Variants in TTC8 observed in about 807,000 individuals in gnomAD.
The protein encoded by TTC8 is tetratricopeptide repeat domain 8.
A neutral mutation model predicts 72.5 loss-of-function variants in TTC8; 47 were observed. The observed-to-expected ratio is 0.65, with a 90% confidence interval of 0.51 to 0.83. TTC8 has a LOEUF of 0.83. Among genes scored for constraint, TTC8 ranks in the 40% least tolerant of loss-of-function variants. The probability of loss-of-function intolerance (pLI) is 0.00; values close to 1 mark genes in which losing one functional copy is unlikely to be tolerated. For synonymous variants in TTC8, 199 were observed against 221.4 expected (o/e 0.90, Z 0.90); for missense variants, 611 against 623.2 (o/e 0.98, Z 0.21).
At position 88,824,728 on chromosome 14, in the gene TTC8, G is replaced by T; in HGVS notation, c.21G>T (p.Pro7=). 1 of 1,610,154 alleles carries T rather than the reference G, an allele frequency of 6.2e-7. No homozygotes were observed. The highest frequency in any genetic ancestry group is 8.5e-7 in the Non-Finnish European group (1 of 1,178,556). Residue 7 remains proline, a synonymous_variant, in exon 1 of 15, where the codon CCG becomes CCT. Transcript: ENST00000380656. Reference sequence around the variant, plus strand: ...CAGCCATGAGCTCGGAGATGGAGCCGCTGCTCCTGGCCTGGAGCTATTTTA... The same window carrying T: ...CAGCCATGAGCTCGGAGATGGAGCCTCTGCTCCTGGCCTGGAGCTATTTTA... The part of the protein sequence containing the change: MSSEME[P]LLLAWSYFRR...
chr14:88,850,815 TAC>T (rs1261664098), intron 7 of TTC8, among the ~76,000 whole-genome samples: 7 of 152,254 alleles, frequency 4.6e-5, no homozygotes, highest in Non-Finnish European at 1.5e-5. Context: ...GGTCTGGGGA[TAC>T]ACAGTCTCAA....
At chr14:88,870,585 G>A (rs922780905) in intron 11 of TTC8, among the ~76,000 whole-genome samples, 1 of 152,216 alleles carries the variant, frequency 6.6e-6, no homozygotes, top group African/African-American at 2.4e-5. Flanking sequence ...TTGGCCTCAT[G>A]TTCTGAACCT....
intron 1 of TTC8, among the ~76,000 whole-genome samples, chr14:88,830,146 G>A (rs192085643): frequency 9.9e-5 from 15 of 152,278 alleles, no homozygotes; most frequent in Admixed American, 7.2e-4. Context: ...AGACTCATTA[G>A]CCAGCATAAG....
At chr14:88,844,676 C>T (rs2140984083) in intron 7 of TTC8, among the ~76,000 whole-genome samples, 1 of 152,028 alleles carries the variant, frequency 6.6e-6, no homozygotes, top group South Asian at 2.1e-4. Flanking sequence ...TCCCAAGTAG[C>T]TGGGACTATA....
chr14:88,870,187 C>T lies in TTC8; in HGVS notation c.1038C>T (p.Leu346=). ...ATTCTGATCAGCCAGAAATAGCTCT[C>T]CGGTTTTACAGGTGCACTTCACATC... ...HFYSDQPEIA[L]RFYRRLLQMG... The change falls in exon 11 of 15, where the codon CTC becomes CTT. Residue 346 remains leucine, a synonymous_variant. Transcript: ENST00000380656. The T allele has an allele frequency of 6.2e-7, 1 of 1,614,034 alleles. No homozygotes were observed. Among genetic ancestry groups the T allele is most frequent in the Non-Finnish European group, 8.5e-7 (1 of 1,179,960 alleles).
At chr14:88,830,472 TATG>T (rs1466761863) in intron 1 of TTC8, among the ~76,000 whole-genome samples, 1 of 152,214 alleles carries the variant, frequency 6.6e-6, no homozygotes, top group Non-Finnish European at 1.5e-5. Flanking sequence ...CTTGAATAAG[TATG>T]ATAATATATG....
chr14:88,848,078 G>A (rs1015532366), intron 7 of TTC8, among the ~76,000 whole-genome samples: 6 of 138,220 alleles, frequency 4.3e-5, no homozygotes, highest in East Asian at 2.2e-4. Flanking sequence ...AGCCCAGATC[G>A]CGCCACTGCA....
chr14:88,874,186 G>T (rs2094947235), intron 13 of TTC8, among the ~76,000 whole-genome samples: 1 of 152,046 alleles, frequency 6.6e-6, no homozygotes, highest in African/African-American at 2.4e-5. Flanking sequence ...TTTGGTGAAA[G>T]ATTTCATAAT....
Position 88,871,475 on chromosome 14 carries a change from A to T in TTC8, c.1050-74A>T. 1 of 1,293,654 alleles carries T rather than the reference A, an allele frequency of 7.7e-7. No individual in the cohort carries two copies. The highest frequency in any genetic ancestry group is 1.1e-6 in the Non-Finnish European group (1 of 922,576). 80.1% of individuals were successfully genotyped at this position (1,293,654 alleles called of 1,614,324 possible). ...AGATGAATTCATTTTTAACTGTGTA[A>T]AATATATATATATATGTCTTAAAAC... On this transcript the variant is annotated intron_variant, in intron 11 of 14. Transcript: ENST00000380656. The surrounding 1 kb of genome is among the most constrained non-coding windows in gnomAD (Gnocchi z 4.1).
chr14:88,833,114 A>G (rs1320939527), intron 1 of TTC8, among the ~76,000 whole-genome samples: 1 of 152,178 alleles, frequency 6.6e-6, no homozygotes, highest in Non-Finnish European at 1.5e-5. Context: ...GTTTCTTAGT[A>G]CTTTCCCCAG....
intron 10 of TTC8, among the ~76,000 whole-genome samples, chr14:88,863,094 G>T (rs906830440): frequency 6.6e-6 from 1 of 151,778 alleles, no homozygotes; most frequent in Non-Finnish European, 1.5e-5. Context: ...TGGGTGGGCC[G>T]CCTGTCTTCC....
chr14:88,865,839 A>G (rs2094907153), intron 10 of TTC8, among the ~76,000 whole-genome samples: 1 of 152,116 alleles, frequency 6.6e-6, no homozygotes, highest in Admixed American at 6.5e-5. Context: ...CTACATTAAT[A>G]AAATCTATTC....
At chr14:88,827,722 C>T (rs913978210) in intron 1 of TTC8, among the ~76,000 whole-genome samples, 2 of 152,058 alleles carry the variant, frequency 1.3e-5, no homozygotes, top group Non-Finnish European at 2.9e-5. Context: ...GAAATATTTC[C>T]CAGAATGATT....
At chr14:88,876,687 T>C (rs2094958787) in intron 14 of TTC8, among the ~76,000 whole-genome samples, 1 of 152,190 alleles carries the variant, frequency 6.6e-6, no homozygotes, top group East Asian at 1.9e-4. Context: ...TGGGAATTAA[T>C]ATAAAGTTCA....
At chr14:88,879,861 G>A (rs2094968621), downstream of TTC8, 1 of 151,884 alleles carries the variant, frequency 6.6e-6, no homozygotes, top group African/African-American at 2.4e-5. Context: ...ATTTTTAGTA[G>A]AGACAGGGTT....
chr14:88,824,749 T>G lies in TTC8; in HGVS notation c.42T>G (p.Tyr14Ter). 1.2e-6 allele frequency: 2 copies of G among 1,612,794 alleles called. No individual in the cohort carries two copies. The highest frequency in any genetic ancestry group is 1.7e-6 in the Non-Finnish European group (2 of 1,179,534). ...EMEPLLLAWS[Y>*]FRRRKFQLCA... ...AGCCGCTGCTCCTGGCCTGGAGCTA[T>G]TTTAGGCGCAGGAAGTTCCAGCTCT... Residue 14 changes from tyrosine to a stop codon, truncating the protein, a stop_gained, in exon 1 of 15, where the codon TAT becomes TAG. Transcript: ENST00000380656. LOFTEE classifies it high-confidence loss of function.
At chr14:88,876,327 A>G (rs1298122983) in intron 14 of TTC8, among the ~76,000 whole-genome samples, 3 of 152,234 alleles carry the variant, frequency 2.0e-5, no homozygotes, top group African/African-American at 7.2e-5. Flanking sequence ...TAAAAAAGGA[A>G]ACTTAATTTC....
At chr14:88,879,937 A>G (rs2094968840), downstream of TTC8, 1 of 152,188 alleles carries the variant, frequency 6.6e-6, no homozygotes, top group Non-Finnish European at 1.5e-5. Context: ...ATGGCCTCCC[A>G]AAGTGCTAAG....
chr14:88,839,523 A>C lies in TTC8; in HGVS notation c.216A>C (p.Glu72Asp). The change falls in exon 3 of 15, where the codon GAA (glutamate) becomes GAC (aspartate). Residue 72 changes from glutamate (E) to aspartate (D), a missense_variant. Physicochemically the swap from Glu to Asp is conservative, Grantham distance 45 (BLOSUM62 2). Transcript: ENST00000380656. ...VYIDEIDVDQ[E>D]GIAEMMLDEN... ...TAGATGAAATTGATGTAGATCAGGA[A>C]GGAATTGCAGAAATGATGCTGGATG... 1 of 1,613,374 alleles carries C rather than the reference A, an allele frequency of 6.2e-7. No homozygotes were observed. The highest frequency in any genetic ancestry group is 8.5e-7 in the Non-Finnish European group (1 of 1,179,550).
Sources: allele counts gnomAD v4.1 joint callset (sites outside exome capture counted in the v4.1 genomes callset), GRCh38; gene constraint gnomAD v4.1.1; non-coding constraint Gnocchi (gnomAD v3.1); transcripts MANE v1.5; gene names NCBI Gene and HGNC (gene_info 2026-07-23, HGNC 2026-07-21).